Variants in L3MBTL4 observed in about 807,000 individuals in gnomAD.
L3MBTL4 encodes the protein L3MBTL histone methyl-lysine binding protein 4.
L3MBTL4 carries 70 observed loss-of-function variants against 84.5 expected under a neutral mutation model. The observed-to-expected ratio is 0.83, with a 90% CI of 0.68 to 1.01. The LOEUF (loss-of-function observed/expected upper bound fraction) is 1.01. Among genes scored for constraint, L3MBTL4 ranks in the 50% least tolerant of loss-of-function variants. The pLI is 0.00. For synonymous variants in L3MBTL4, 274 were observed against 259.8 expected, an observed-to-expected ratio of 1.05 and a Z score of -0.52; for missense variants, 715 against 754.8, an observed-to-expected ratio of 0.95 and a Z score of 0.62.
At chr18:6,026,078 C>T (rs1489419848) in intron 16 of L3MBTL4, among the ~76,000 whole-genome samples, 5 of 152,224 alleles carry the variant, frequency 3.3e-5, no homozygotes, top group African/African-American at 9.6e-5. Context: ...GCAGATTCAT[C>T]ATGATACGAC....
At chr18:5,990,899 T>C (rs2053666859) in intron 16 of L3MBTL4, among the ~76,000 whole-genome samples, 1 of 152,100 alleles carries the variant, frequency 6.6e-6, no homozygotes, top group African/African-American at 2.4e-5. Context: ...GAGATACATG[T>C]GTAAAGCACA....
At chr18:6,327,274 G>A (rs1375019579) in intron 1 of L3MBTL4, among the ~76,000 whole-genome samples, 2 of 152,154 alleles carry the variant, frequency 1.3e-5, no homozygotes, top group Non-Finnish European at 2.9e-5. Flanking sequence ...GCTGTTTCTA[G>A]ATAGATAGAA....
intron 16 of L3MBTL4, among the ~76,000 whole-genome samples, chr18:6,005,980 A>G (rs2054461076): frequency 6.6e-6 from 1 of 151,106 alleles, no homozygotes; most frequent in Non-Finnish European, 1.5e-5. Context: ...TTGAAATGGT[A>G]AATTTTATAT....
chr18:6,244,642 A>C (rs1683929621), intron 5 of L3MBTL4, 54 bp from the exon 6 acceptor site: 1 of 1,233,818 alleles, frequency 8.1e-7, no homozygotes, highest in African/African-American at 1.5e-5. Context: ...ACAGTTTTAT[A>C]TTAAGATATT....
At chr18:6,393,992 C>T (rs1294331236) in intron 1 of L3MBTL4, among the ~76,000 whole-genome samples, 2 of 152,050 alleles carry the variant, frequency 1.3e-5, no homozygotes, top group African/African-American at 4.8e-5. Flanking sequence ...AAGCCCACAC[C>T]CGCTGGCCTC....
chr18:5,970,146 C>T (rs1437828379), intron 16 of L3MBTL4, among the ~76,000 whole-genome samples: 1 of 152,232 alleles, frequency 6.6e-6, no homozygotes, highest in Non-Finnish European at 1.5e-5. Context: ...CAGCAGCGCA[C>T]CATGACCTCA....
intron 15 of L3MBTL4, among the ~76,000 whole-genome samples, chr18:6,085,666 C>A (rs528258290): frequency 6.6e-6 from 1 of 152,300 alleles, no homozygotes; most frequent in East Asian, 1.9e-4. Context: ...CCTTGCTTCC[C>A]CTTTGCCTTC....
intron 16 of L3MBTL4, among the ~76,000 whole-genome samples, chr18:6,050,028 T>G (rs1043058800): frequency 2.0e-5 from 3 of 152,128 alleles, no homozygotes; most frequent in Admixed American, 6.5e-5. Flanking sequence ...TCGCAAAACA[T>G]AGGTGAGAGT....
intron 4 of L3MBTL4, among the ~76,000 whole-genome samples, chr18:6,283,384 G>T (rs532651110): frequency 6.3e-4 from 96 of 152,210 alleles, no homozygotes; most frequent in Non-Finnish European, 1.1e-3. Flanking sequence ...TGTAAGAAAA[G>T]AAAAACCAAA....
rs373197727 is a variant in L3MBTL4 at position 5,969,473 on chromosome 18, C to G, written c.1534G>C (p.Gly512Arg). 10 of 1,613,998 alleles carry G rather than the reference C, an allele frequency of 6.2e-6. No individual in the cohort carries two copies. Among genetic ancestry groups the G allele is most frequent in the African/African-American group, 1.3e-5 (1 of 74,998 alleles). The change falls in exon 17 of 19, where the codon GGC (glycine) becomes CGC (arginine). Residue 512 changes from glycine (G) to arginine (R), a missense_variant. Physicochemically the swap from Gly to Arg is moderately radical, Grantham distance 125. Transcript: ENST00000317931. ...AGCAACTTGCAGTGTTGCTCCCTGC[C>G]GAGGGGAAGGTCCCGAAAAGGGTGG... ...SAHPFRDLPL[G>R]REQHCKLLPG... is the part of the protein sequence containing the mutation.
At chr18:6,009,417 C>T (rs2054632872) in intron 16 of L3MBTL4, among the ~76,000 whole-genome samples, 1 of 152,190 alleles carries the variant, frequency 6.6e-6, no homozygotes, top group South Asian at 2.1e-4. Flanking sequence ...CCACCAGGAA[C>T]TCAAGGCTCT....
chr18:6,225,303 A>C (rs2046732935), intron 10 of L3MBTL4, among the ~76,000 whole-genome samples: 1 of 152,258 alleles, frequency 6.6e-6, no homozygotes, highest in Non-Finnish European at 1.5e-5. Context: ...ATTTTAGTAA[A>C]GACTTAAAGG....
intron 12 of L3MBTL4, among the ~76,000 whole-genome samples, chr18:6,178,502 C>A (rs958268389): frequency 6.6e-6 from 1 of 152,190 alleles, no homozygotes; most frequent in African/African-American, 2.4e-5. Context: ...AGCAAAGCCT[C>A]ATTTTGAAAA....
chr18:5,961,900 T>C (rs1218043300), intron 17 of L3MBTL4, among the ~76,000 whole-genome samples: 3 of 152,298 alleles, frequency 2.0e-5, no homozygotes, highest in Admixed American at 2.0e-4. Flanking sequence ...GGGCAGGTGA[T>C]GGCAGTGGCA....
At chr18:6,090,019 A>G (rs2058388369) in intron 15 of L3MBTL4, among the ~76,000 whole-genome samples, 1 of 152,194 alleles carries the variant, frequency 6.6e-6, no homozygotes. Flanking sequence ...ATAAATGGTT[A>G]AATGGATTAA....
chr18:5,959,446 T>C (rs1468797433), intron 18 of L3MBTL4, among the ~76,000 whole-genome samples: 3 of 152,184 alleles, frequency 2.0e-5, no homozygotes, highest in African/African-American at 4.8e-5. Context: ...CATCATTCTG[T>C]AGCTGGTCCA....
intron 10 of L3MBTL4, among the ~76,000 whole-genome samples, chr18:6,228,651 G>T (rs1305445265): frequency 1.3e-5 from 2 of 152,060 alleles, no homozygotes; most frequent in African/African-American, 2.4e-5. Flanking sequence ...TTAATTATTA[G>T]GGAAATGGCA....
intron 13 of L3MBTL4, among the ~76,000 whole-genome samples, chr18:6,163,308 G>GTGTGT (rs1260518041): frequency 0.015 from 1,198 of 78,200 alleles, 33 homozygotes; most frequent in Non-Finnish European, 0.02. Context: ...TGTGTGTGTG[G>GTGTGT]GTGGGTGTGT....
intron 14 of L3MBTL4, among the ~76,000 whole-genome samples, chr18:6,128,816 C>T (rs1266813831): frequency 6.6e-6 from 1 of 152,076 alleles, no homozygotes; most frequent in Non-Finnish European, 1.5e-5. Context: ...GGAGGAAAGA[C>T]CTGGAAGGCA....
Sources: allele counts gnomAD v4.1 joint callset (sites outside exome capture counted in the v4.1 genomes callset), GRCh38; gene constraint gnomAD v4.1.1; transcripts MANE v1.5; gene names NCBI Gene and HGNC (gene_info 2026-07-23, HGNC 2026-07-21).